The following UBE2QL1 variants were observed in gnomAD, a reference collection of about 807,000 sequenced individuals.
UBE2QL1 encodes the protein ubiquitin-conjugating enzyme E2Q-like protein 1.
UBE2QL1 carries 5 observed loss-of-function variants against 12.6 expected under a neutral mutation model. The ratio of observed to expected loss-of-function variants is 0.40; its 90% CI spans 0.21 to 0.83. The LOEUF is 0.83. UBE2QL1 is among the 40% of genes least tolerant of loss of function. UBE2QL1 has a pLI of 0.37. For synonymous variants in UBE2QL1, 96 were observed against 94.5 expected (o/e 1.02, Z -0.10); for missense variants, 99 against 222.6 (o/e 0.44, Z 3.53).
At chr5:6,486,310 G>GCA (rs201381140) in intron 1 of UBE2QL1, among the ~76,000 whole-genome samples, 3 of 148,798 alleles carry the variant, frequency 2.0e-5, no homozygotes, top group South Asian at 4.2e-4. Flanking sequence ...ACACACACAA[G>GCA]CACACACACA....
At chr5:6,459,452 G>A (rs189408548) in intron 1 of UBE2QL1, among the ~76,000 whole-genome samples, 10 of 152,224 alleles carry the variant, frequency 6.6e-5, no homozygotes, top group Non-Finnish European at 1.5e-4. Context: ...CCAACCACAG[G>A]AGTCCCTTCC....
chr5:6,480,035 T>C (rs1277705181), intron 1 of UBE2QL1, among the ~76,000 whole-genome samples: 2 of 152,226 alleles, frequency 1.3e-5, no homozygotes, highest in East Asian at 3.9e-4. Flanking sequence ...CCAAGGAGCA[T>C]CCAGTGCCAG....
At chr5:6,486,572 G>T (rs2126371979) in intron 1 of UBE2QL1, among the ~76,000 whole-genome samples, 1 of 152,260 alleles carries the variant, frequency 6.6e-6, no homozygotes, top group East Asian at 1.9e-4. Flanking sequence ...CTCTTCCCCA[G>T]TGTAGAATCC....
chr5:6,473,185 C>T (rs1215143471), intron 1 of UBE2QL1, among the ~76,000 whole-genome samples: 1 of 152,212 alleles, frequency 6.6e-6, no homozygotes, highest in African/African-American at 2.4e-5. Context: ...TCTGCTCTTC[C>T]TTTTCAAAAT....
chr5:6,462,272 A>T (rs533019530), intron 1 of UBE2QL1, among the ~76,000 whole-genome samples: 2 of 152,264 alleles, frequency 1.3e-5, no homozygotes, highest in South Asian at 4.1e-4. Flanking sequence ...TGGTATCAAG[A>T]AAGGAGGGGG....
intron 1 of UBE2QL1, among the ~76,000 whole-genome samples, chr5:6,484,659 G>A (rs1290748014): frequency 3.3e-5 from 5 of 152,084 alleles, no homozygotes; most frequent in Admixed American, 3.3e-4. Flanking sequence ...GGACTCAGCA[G>A]TCTCCCGGGT....
Position 6,481,310 on chromosome 5 carries a change from A to G in UBE2QL1, c.355-9908A>G, listed in dbSNP as rs533620961. 1.3e-5 allele frequency among the ~76,000 whole-genome samples: 2 copies of G among 152,278 alleles called. No homozygotes were observed. Among genetic ancestry groups the G allele is most frequent in the African/African-American group, 4.8e-5 (2 of 41,542 alleles). On this transcript the variant is annotated intron_variant, in intron 1 of 1. Coordinates refer to ENST00000399816, the MANE Select transcript of UBE2QL1 (RefSeq NM_001145161.3). The surrounding 1 kb of genome is among the most constrained non-coding windows in gnomAD (Gnocchi z 4.5). ...CAGGCCTGGCCCCGGGTCACTTGGC[A>G]TGGTGGCCCACCACCTCCATCCCAT...
chr5:6,485,250 C>G (rs182119), intron 1 of UBE2QL1, among the ~76,000 whole-genome samples: 33,093 of 152,112 alleles, frequency 0.22, 4,193 homozygotes, highest in South Asian at 0.36. Flanking sequence ...CCGACTAGAT[C>G]CAGCTGAAGT....
intron 1 of UBE2QL1, among the ~76,000 whole-genome samples, chr5:6,450,547 G>A (rs1184941931): frequency 6.6e-6 from 1 of 152,168 alleles, no homozygotes; most frequent in Non-Finnish European, 1.5e-5. Context: ...GACCCCAAAT[G>A]ACCTCGGCTT....
intron 1 of UBE2QL1, among the ~76,000 whole-genome samples, chr5:6,449,796 T>C (rs928558623): frequency 2.0e-5 from 3 of 151,136 alleles, no homozygotes; most frequent in African/African-American, 4.9e-5. Context: ...CCCTATAATC[T>C]CTATGAAGGT....
chr5:6,477,823 G>T (rs1734271116), intron 1 of UBE2QL1, among the ~76,000 whole-genome samples: 1 of 152,208 alleles, frequency 6.6e-6, no homozygotes, highest in Non-Finnish European at 1.5e-5. Context: ...CATATGCAAG[G>T]CTGTTCCAGG....
At chr5:6,455,305 G>C (rs1171756880) in intron 1 of UBE2QL1, among the ~76,000 whole-genome samples, 1 of 152,100 alleles carries the variant, frequency 6.6e-6, no homozygotes, top group Non-Finnish European at 1.5e-5. Flanking sequence ...TCCACACCCA[G>C]GTTTAGAAGG....
chr5:6,473,200 T>G (rs1345325553), intron 1 of UBE2QL1, among the ~76,000 whole-genome samples: 1 of 152,236 alleles, frequency 6.6e-6, no homozygotes, highest in Non-Finnish European at 1.5e-5. Flanking sequence ...CAAAATCATC[T>G]TAGCTTTTTG....
chr5:6,455,179 T>C (rs1739494201), intron 1 of UBE2QL1, among the ~76,000 whole-genome samples: 1 of 152,162 alleles, frequency 6.6e-6, no homozygotes. Context: ...CAGTGTAGGT[T>C]CATGGCTGTT....
chr5:6,490,581 C>G (rs761298861), intron 1 of UBE2QL1, among the ~76,000 whole-genome samples: 1 of 152,206 alleles, frequency 6.6e-6, no homozygotes, highest in Non-Finnish European at 1.5e-5. Flanking sequence ...GAGGATGGGT[C>G]TCTTCTTCCA....
At chr5:6,460,171 G>T (rs1297528067) in intron 1 of UBE2QL1, among the ~76,000 whole-genome samples, 1 of 152,138 alleles carries the variant, frequency 6.6e-6, no homozygotes, top group Non-Finnish European at 1.5e-5. Context: ...TCTGAGTGTG[G>T]CTCACTCCTG....
At chr5:6,474,102 G>A (rs1216594618) in intron 1 of UBE2QL1, among the ~76,000 whole-genome samples, 1 of 152,184 alleles carries the variant, frequency 6.6e-6, no homozygotes, top group African/African-American at 2.4e-5. Flanking sequence ...CCTTCTAAAA[G>A]ATACTTATTG....
chr5:6,456,654 G>A (rs1026031842), intron 1 of UBE2QL1, among the ~76,000 whole-genome samples: 1 of 152,078 alleles, frequency 6.6e-6, no homozygotes, highest in East Asian at 1.9e-4. Flanking sequence ...TTCCCATGAC[G>A]ACCCTTCCCC....
chr5:6,490,526 G>A (rs539929970), intron 1 of UBE2QL1, among the ~76,000 whole-genome samples: 46 of 152,230 alleles, frequency 3.0e-4, no homozygotes, highest in East Asian at 2.1e-3. Context: ...TCCCGGGATC[G>A]TGTGACAAAG....
Sources: allele counts gnomAD v4.1 joint callset (sites outside exome capture counted in the v4.1 genomes callset), GRCh38; gene constraint gnomAD v4.1.1; non-coding constraint Gnocchi (gnomAD v3.1); transcripts MANE v1.5; gene names NCBI Gene and HGNC (gene_info 2026-07-23, HGNC 2026-07-21).